TMEM39B: variants seen among roughly 807,000 people sequenced by gnomAD.
TMEM39B encodes transmembrane protein 39B.
TMEM39B carries 23 observed loss-of-function variants against 52.2 expected under a neutral mutation model. The ratio of observed to expected loss-of-function variants is 0.44; its 90% CI spans 0.32 to 0.62. The LOEUF (loss-of-function observed/expected upper bound fraction) is 0.62. Among genes scored for constraint, TMEM39B ranks in the 20% least tolerant of loss-of-function variants. TMEM39B has a pLI of 0.06. For missense variants in TMEM39B, 547 were observed against 642.0 expected (o/e 0.85, Z 1.60); for synonymous variants, 285 against 264.0 (o/e 1.08, Z -0.77).
At chr1:32,092,598 C>G (rs1220965747) in intron 6 of TMEM39B, among the ~76,000 whole-genome samples, 1 of 152,184 alleles carries the variant, frequency 6.6e-6, no homozygotes, top group East Asian at 1.9e-4. Flanking sequence ...TCAAGCAGTT[C>G]TCCTGCATCA....
chr1:32,101,619 T>A (rs1337516555), intron 8 of TMEM39B, among the ~76,000 whole-genome samples: 2 of 152,140 alleles, frequency 1.3e-5, no homozygotes, highest in Non-Finnish European at 2.9e-5. Context: ...TAGACTGATG[T>A]CTTCATTTCA....
chr1:32,087,270 A>ATC (rs1280901251), intron 5 of TMEM39B, among the ~76,000 whole-genome samples: 2 of 146,946 alleles, frequency 1.4e-5, no homozygotes, highest in African/African-American at 5.1e-5. Flanking sequence ...GTGAGCCGAG[A>ATC]ATGCACGACT....
At chr1:32,073,732 T>TTA in intron 1 of TMEM39B, 3 of 985,142 alleles carry the variant, frequency 3.0e-6, no homozygotes, top group Non-Finnish European at 3.6e-6. Context: ...GCCAGGTACT[T>TTA]TTTAGAGACT....
chr1:32,102,498 A>G lies in TMEM39B; in HGVS notation c.1304A>G (p.Tyr435Cys). 10 of 1,614,076 alleles carry G rather than the reference A, an allele frequency of 6.2e-6. No homozygotes were observed. Among genetic ancestry groups the G allele is most frequent in the Non-Finnish European group, 8.5e-6 (10 of 1,179,994 alleles). Residue 435 changes from tyrosine (Y) to cysteine (C), a missense_variant, in exon 9 of 9, where the codon TAT becomes TGT. By Grantham distance (194) the Tyr-to-Cys change is radical. Transcript: ENST00000336294. Reference sequence around the variant, plus strand: ...CTGCTGGAGGGCGCTGTCATTGTCTATCAGCTGTACTCCCTAATGTCCTCT... The same window carrying G: ...CTGCTGGAGGGCGCTGTCATTGTCTGTCAGCTGTACTCCCTAATGTCCTCT... ...LLLLEGAVIVYQLYSLMSSEK... is the reference protein window; with the variant it reads ...LLLLEGAVIVCQLYSLMSSEK...
At chr1:32,101,939 T>C (rs1255473769) in intron 8 of TMEM39B, among the ~76,000 whole-genome samples, 3 of 152,022 alleles carry the variant, frequency 2.0e-5, no homozygotes, top group Non-Finnish European at 4.4e-5. Context: ...ACCTATGAAG[T>C]AGTAGGTAAT....
intron 7 of TMEM39B, among the ~76,000 whole-genome samples, chr1:32,097,497 A>G (rs1426685305): frequency 2.0e-5 from 3 of 149,312 alleles, no homozygotes; most frequent in African/African-American, 7.4e-5. Flanking sequence ...TGCCCAACTA[A>G]TTTTTTGTAT....
chr1:32,076,725 G>A (rs759466065), intron 3 of TMEM39B, 38 bp from the exon 4 acceptor site: 113 of 1,602,856 alleles, frequency 7.0e-5, no homozygotes, highest in Non-Finnish European at 9.1e-5. Context: ...ATATGGGCAA[G>A]GGGCCCACAT....
chr1:32,091,656 C>T lies in TMEM39B; in HGVS notation c.591-19C>T. The T allele has an allele frequency of 6.4e-7, 1 of 1,567,956 alleles. No individual in the cohort carries two copies. Among genetic ancestry groups the T allele is most frequent in the Middle Eastern group, 1.7e-4 (1 of 5,838 alleles). Reference sequence around the variant, plus strand: ...TGGCCCATGGGCAGGCCTTCCCTCACCACCGTCTTCCCCAGCAGGTTTGGG... The same window carrying T: ...TGGCCCATGGGCAGGCCTTCCCTCATCACCGTCTTCCCCAGCAGGTTTGGG... On this transcript the variant is annotated intron_variant, in intron 5 of 8. Coordinates refer to ENST00000336294, the MANE Select transcript of TMEM39B (RefSeq NM_018056.4).
At position 32,094,731 on chromosome 1, in the gene TMEM39B, G is replaced by A. The variant is rs929929146; in HGVS notation, c.928-53G>A. On this transcript the variant is annotated intron_variant, in intron 6 of 8. Transcript: ENST00000336294. ...TCAGGTAGAATCAGGGAAGGAAAGGGAATGAGGCCATTATGGGGATCCCAG... is the reference window on the plus strand; with the variant it reads ...TCAGGTAGAATCAGGGAAGGAAAGGAAATGAGGCCATTATGGGGATCCCAG... 10 of 1,595,818 alleles carry A rather than the reference G, an allele frequency of 6.3e-6. No individual in the cohort carries two copies. The East Asian group carries it at 1.3e-4, about 21-fold the overall frequency.
At chr1:32,101,441 T>A (rs1641015770) in intron 8 of TMEM39B, among the ~76,000 whole-genome samples, 1 of 151,202 alleles carries the variant, frequency 6.6e-6, no homozygotes, top group Non-Finnish European at 1.5e-5. Flanking sequence ...CCCCCCTTTT[T>A]TAAAAAAAAC....
chr1:32,097,326 ACTT>A (rs1490031140), intron 7 of TMEM39B, among the ~76,000 whole-genome samples: 31 of 147,020 alleles, frequency 2.1e-4, no homozygotes, highest in East Asian at 4.0e-4. Context: ...ATCGTGTCCA[ACTT>A]CTTCTTTTTT....
intron 2 of TMEM39B, 54 bp downstream of exon 2, chr1:32,075,131 A>G (rs989657151): frequency 6.0e-6 from 9 of 1,511,332 alleles, no homozygotes; most frequent in Non-Finnish European, 8.0e-6. Context: ...GACGATGTGG[A>G]CAGGGCTCTC....
At chr1:32,080,191 T>G (rs1640036007) in intron 5 of TMEM39B, among the ~76,000 whole-genome samples, 1 of 152,044 alleles carries the variant, frequency 6.6e-6, no homozygotes, top group South Asian at 2.1e-4. Flanking sequence ...CCTGGCCTAC[T>G]GGCAAACTTT....
At chr1:32,083,171 G>A (rs560360775) in intron 5 of TMEM39B, among the ~76,000 whole-genome samples, 56 of 132,456 alleles carry the variant, frequency 4.2e-4, no homozygotes, top group Middle Eastern at 5.0e-3. Context: ...TGCAGCCTCC[G>A]CCTCCCAAGT....
intron 5 of TMEM39B, among the ~76,000 whole-genome samples, chr1:32,080,692 AAAG>A (rs1640058854): frequency 6.6e-6 from 1 of 151,528 alleles, no homozygotes; most frequent in Non-Finnish European, 1.5e-5. Context: ...AAAAAAAAAA[AAAG>A]AGTTGCCTTA....
chr1:32,091,636 C>G, intron 5 of TMEM39B, 39 bp from the exon 6 acceptor site: 1 of 1,549,328 alleles, frequency 6.5e-7, no homozygotes, highest in South Asian at 1.2e-5. Context: ...GATCCTGGCC[C>G]ATGGGCAGGC....
chr1:32,096,451 C>G (rs1247764097), intron 7 of TMEM39B, among the ~76,000 whole-genome samples: 3 of 105,028 alleles, frequency 2.9e-5, no homozygotes, highest in Non-Finnish European at 5.4e-5. Flanking sequence ...CTCCTCTGGC[C>G]TTTTTTTTTT....
intron 7 of TMEM39B, among the ~76,000 whole-genome samples, chr1:32,095,447 G>T (rs1640775816): frequency 6.6e-6 from 1 of 152,142 alleles, no homozygotes; most frequent in South Asian, 2.1e-4. Flanking sequence ...ATGCCAAGGT[G>T]TGCTTTAGAG....
chr1:32,074,913 C>T lies in TMEM39B; in HGVS notation c.5-38C>T, dbSNP rs1468659714. On this transcript the variant is annotated intron_variant, in intron 1 of 8. Coordinates refer to ENST00000336294, the MANE Select transcript of TMEM39B (RefSeq NM_018056.4). ...ATTGCTGTTATCCTTGATATATGCC[C>T]CCTGGCTTGAGGCTCTATTTTATGT... 2.0e-6 allele frequency: 3 copies of T among 1,534,110 alleles called. No homozygotes were observed. The East Asian group carries it at 7.5e-5, about 38-fold the overall frequency.
Sources: allele counts gnomAD v4.1 joint callset (sites outside exome capture counted in the v4.1 genomes callset), GRCh38; gene constraint gnomAD v4.1.1; transcripts MANE v1.5; gene names NCBI Gene and HGNC (gene_info 2026-07-23, HGNC 2026-07-21).